Variants in PDE4D observed in about 807,000 individuals in gnomAD.
PDE4D encodes 3',5'-cyclic-AMP phosphodiesterase 4D.
A neutral mutation model predicts 87.4 loss-of-function variants in PDE4D; 24 were observed. The observed-to-expected ratio is 0.27, with a 90% CI of 0.20 to 0.39. PDE4D has a LOEUF of 0.39. Ranked by LOEUF, PDE4D falls within the 10% of genes least tolerant of loss-of-function variation. The pLI is 1.00. For synonymous variants in PDE4D, 384 were observed against 383.2 expected (o/e 1.00, Z -0.02); for missense variants, 714 against 1,041.0 (o/e 0.69, Z 4.32).
rs1293386642 is a variant in PDE4D, at chr5:59,768,485, T to G, written c.455+124683A>C. 1.9e-6 allele frequency: 3 copies of G among 1,598,324 alleles called. No individual in the cohort carries two copies. The Admixed American group carries it at 5.0e-5, about 27-fold the overall frequency. ...TTATCCACTTCAGGTACTGTTAAAG[T>G]GTCCGGGCTTGTCTGCTGAGCCATT... On this transcript the variant is annotated intron_variant, in intron 1 of 14. Coordinates refer to ENST00000340635, the MANE Select transcript of PDE4D (RefSeq NM_001104631.2).
chr5:59,373,677 C>T (rs1239771379), intron 1 of PDE4D, among the ~76,000 whole-genome samples: 3 of 152,114 alleles, frequency 2.0e-5, no homozygotes, highest in Non-Finnish European at 4.4e-5. Context: ...TCAGGAAATG[C>T]AGAAACTCCT....
At chr5:60,312,655 T>C (rs769034293) in intron 1 of PDE4D, among the ~76,000 whole-genome samples, 2 of 152,190 alleles carry the variant, frequency 1.3e-5, no homozygotes, top group Non-Finnish European at 2.9e-5. Flanking sequence ...ACCACCTCCA[T>C]GATCCAATAA....
chr5:59,061,580 C>G (rs1215564011), intron 5 of PDE4D, among the ~76,000 whole-genome samples: 1 of 152,078 alleles, frequency 6.6e-6, no homozygotes, highest in African/African-American at 2.4e-5. Flanking sequence ...ACTACAGTTA[C>G]CAGGGGACCC....
intron 5 of PDE4D, among the ~76,000 whole-genome samples, chr5:59,135,892 A>G (rs1472620916): frequency 6.6e-6 from 1 of 152,206 alleles, no homozygotes; most frequent in Non-Finnish European, 1.5e-5. Flanking sequence ...TATTTAAAAA[A>G]CATTTATTGA....
At chr5:60,046,947 A>G (rs1769339273) in intron 2 of PDE4D, among the ~76,000 whole-genome samples, 2 of 152,208 alleles carry the variant, frequency 1.3e-5, no homozygotes, top group African/African-American at 4.8e-5. Context: ...GAATGGTACC[A>G]GCTCCTCCTT....
intron 3 of PDE4D, among the ~76,000 whole-genome samples, chr5:59,925,931 A>G (rs2152782904): frequency 6.6e-6 from 1 of 152,226 alleles, no homozygotes; most frequent in African/African-American, 2.4e-5. Flanking sequence ...AGAGTTCAAC[A>G]CTCCACTTTC....
chr5:60,125,798 C>A lies in PDE4D; in HGVS notation c.42+59759G>T, dbSNP rs115543451. Among the ~76,000 whole-genome samples, 1,067 of 152,250 alleles carry A rather than the reference C, an allele frequency of 7.0e-3. 10 individuals carry two copies. Among genetic ancestry groups the A allele is most frequent in the African/African-American group, 0.024 (1,015 of 41,558 alleles). ...TGAATTAAGGAATCATCTAGTTTAT[C>A]CTGCTCAATGCTCACCTTATCTTGG... On this transcript the variant is annotated intron_variant, in intron 2 of 16. Coordinates refer to the PDE4D transcript ENST00000502484.
chr5:60,072,775 T>C (rs1325901477), intron 2 of PDE4D, among the ~76,000 whole-genome samples: 1 of 151,774 alleles, frequency 6.6e-6, no homozygotes, highest in African/African-American at 2.4e-5. Context: ...TCCTTTCCCC[T>C]TTGCTTTGTC....
intron 1 of PDE4D, among the ~76,000 whole-genome samples, chr5:59,315,704 AG>A (rs1294659257): frequency 6.6e-6 from 1 of 152,146 alleles, no homozygotes; most frequent in East Asian, 1.9e-4. Context: ...ATGCACAGTA[AG>A]GGGCAAAATG....
Position 59,893,328 on chromosome 5 carries a change from C to G in PDE4D, c.295G>C (p.Gly99Arg). ...GAARGRYASSGATGRVRHRGY... is the reference protein window; with the variant it reads ...GAARGRYASSRATGRVRHRGY... ...CGATGCCGGACGCGGCCGGTGGCCC[C>G]GCTCGAGGCGTAGCGGCCGCGGGCA... Residue 99 changes from glycine (G) to arginine (R), a missense_variant, in exon 1 of 15, where the codon GGG (glycine) becomes CGG (arginine). This residue lies in a region of PDE4D where 268 missense variants were observed against 272.9 expected (regional missense o/e 0.98). Coordinates refer to ENST00000340635, the MANE Select transcript of PDE4D (RefSeq NM_001104631.2). The G allele has an allele frequency of 6.6e-7, 1 of 1,505,802 alleles. No homozygotes were observed. The highest frequency in any genetic ancestry group is 8.9e-7 in the Non-Finnish European group (1 of 1,124,700). 93.3% of individuals were successfully genotyped at this position (1,505,802 alleles called of 1,614,324 possible). A position where few individuals can be genotyped will look rare whatever the true frequency, so the allele number is the denominator to read the frequency against.
chr5:59,534,701 A>T (rs535059205), intron 1 of PDE4D, among the ~76,000 whole-genome samples: 24 of 152,284 alleles, frequency 1.6e-4, no homozygotes, highest in African/African-American at 5.1e-4. Context: ...TTGGTAGGCA[A>T]TGGAGAGCCA....
intron 1 of PDE4D, among the ~76,000 whole-genome samples, chr5:60,440,390 G>A (rs1450543725): frequency 1.3e-5 from 2 of 151,980 alleles, no homozygotes; most frequent in African/African-American, 4.8e-5. Flanking sequence ...AGTCCATCAG[G>A]CAACACAAGA....
At chr5:60,006,318 C>T (rs1310095733) in intron 2 of PDE4D, among the ~76,000 whole-genome samples, 2 of 151,832 alleles carry the variant, frequency 1.3e-5, no homozygotes, top group African/African-American at 4.8e-5. Flanking sequence ...AATTACTATT[C>T]TCTGTACTTT....
chr5:59,795,209 ATAGT>A (rs548812902), intron 1 of PDE4D, among the ~76,000 whole-genome samples: 17 of 152,210 alleles, frequency 1.1e-4, no homozygotes, highest in Non-Finnish European at 2.5e-4. Context: ...TCACCATTTA[ATAGT>A]TAGCTCCTTC....
chr5:60,337,983 G>A (rs1295996313), intron 1 of PDE4D, among the ~76,000 whole-genome samples: 6 of 152,156 alleles, frequency 3.9e-5, no homozygotes, highest in Non-Finnish European at 8.8e-5. Flanking sequence ...ATAAGATGTT[G>A]TACTGTACAG....
Position 59,167,919 on chromosome 5 carries a change from T to C in PDE4D, c.808+12676A>G, listed in dbSNP as rs373427214. ...AAGCCAGGAAGAGGCAGAAATCAAGTTCTCTATGTGGACAGTTCTGTGTTC... is the reference window on the plus strand; with the variant it reads ...AAGCCAGGAAGAGGCAGAAATCAAGCTCTCTATGTGGACAGTTCTGTGTTC... On this transcript the variant is annotated intron_variant, in intron 5 of 14. Transcript: ENST00000340635. Among the ~76,000 whole-genome samples the C allele has an allele frequency of 1.2e-3, 184 of 152,082 alleles. 4 individuals are homozygous for C. Among genetic ancestry groups the C allele is most frequent in the African/African-American group, 4.3e-3 (180 of 41,498 alleles).
chr5:59,078,291 A>T (rs938365006), intron 5 of PDE4D, among the ~76,000 whole-genome samples: 2 of 152,190 alleles, frequency 1.3e-5, no homozygotes, highest in African/African-American at 2.4e-5. Flanking sequence ...AAAATAAAAT[A>T]ATCTCCAAAA....
chr5:59,911,193 C>T (rs1415432630), intron 3 of PDE4D, among the ~76,000 whole-genome samples: 4 of 152,288 alleles, frequency 2.6e-5, no homozygotes, highest in South Asian at 2.1e-4. Flanking sequence ...TTAGAAATTG[C>T]GATTTAGGAA....
chr5:59,123,354 C>T (rs1774895617), intron 5 of PDE4D, among the ~76,000 whole-genome samples: 1 of 152,184 alleles, frequency 6.6e-6, no homozygotes, highest in East Asian at 1.9e-4. Flanking sequence ...GCAGACCCTT[C>T]TTTGATACTT....
Sources: allele counts gnomAD v4.1 joint callset (sites outside exome capture counted in the v4.1 genomes callset), GRCh38; gene constraint gnomAD v4.1.1; regional missense constraint gnomAD v4.1.1; transcripts MANE v1.5; gene names NCBI Gene and HGNC (gene_info 2026-07-23, HGNC 2026-07-21).